The following DCAF8L2 variants were observed in gnomAD, a reference collection of about 807,000 sequenced individuals.
DCAF8L2 encodes DDB1- and CUL4-associated factor 8-like protein 2.
For missense variants in DCAF8L2, 430 were observed against 490.7 expected (o/e 0.88, Z 1.17); for synonymous variants, 200 against 190.9 (o/e 1.05, Z -0.39).
intron 3 of DCAF8L2, among the ~76,000 whole-genome samples, chrX:27,711,810 A>G (rs972661050): frequency 1.5e-4 from 17 of 110,690 alleles, no homozygotes; most frequent in African/African-American, 5.6e-4. Context: ...GATTTCAACA[A>G]AGAAGCCACC....
the DCAF8L2 span, among the ~76,000 whole-genome samples, chrX:27,542,812 C>T: frequency 9.0e-6 from 1 of 110,665 alleles, no homozygotes; most frequent in African/African-American, 3.3e-5. Context: ...AAAGTCTTTG[C>T]CTACTTTTTA....
chrX:27,585,101 A>G, the DCAF8L2 span, among the ~76,000 whole-genome samples: 1 of 110,567 alleles, frequency 9.0e-6, no homozygotes, highest in Non-Finnish European at 1.9e-5. Flanking sequence ...ATAGAAGAGC[A>G]TTTGGCAAAC....
chrX:27,680,504 T>C (rs1438345494), intron 3 of DCAF8L2, among the ~76,000 whole-genome samples: 1 of 111,941 alleles, frequency 8.9e-6, no homozygotes, highest in Non-Finnish European at 1.9e-5. Flanking sequence ...TTAAAAAATA[T>C]CTTAAGTACT....
chrX:27,635,786 C>T (rs866463556), intron 2 of DCAF8L2, among the ~76,000 whole-genome samples: 1 of 90,421 alleles, frequency 1.1e-5, no homozygotes, highest in African/African-American at 4.3e-5. Context: ...TTTCCTTTTA[C>T]GTGTGTGTGT....
intron 1 of DCAF8L2, among the ~76,000 whole-genome samples, chrX:27,594,074 A>C: frequency 8.9e-6 from 1 of 112,127 alleles, no homozygotes; most frequent in African/African-American, 3.2e-5. Flanking sequence ...GAAGGGAAGT[A>C]GAAAGAAAAG....
chrX:27,716,157 T>C lies in DCAF8L2; in HGVS notation c.-73T>C, dbSNP rs922686905. ...GTGGAATCAGTGGGGAAATCTCTAA[T>C]TGCTACTGACACAGGTGAGTGGCAT... On this transcript the variant is annotated 5_prime_UTR_variant, in exon 4 of 5. Transcript: ENST00000451261. 1 of 111,966 alleles carries C rather than the reference T, an allele frequency of 8.9e-6. No homozygotes were observed. Among genetic ancestry groups the C allele is most frequent in the African/African-American group, 3.2e-5 (1 of 30,796 alleles). The allele number at this position is 111,966 out of a possible 1,213,427, so 9.2% of individuals were successfully genotyped here. A position where few individuals can be genotyped will look rare whatever the true frequency, so the allele number is the denominator to read the frequency against.
intron 1 of DCAF8L2, among the ~76,000 whole-genome samples, chrX:27,591,684 T>G (rs1311761930): frequency 2.7e-5 from 3 of 111,991 alleles, no homozygotes; most frequent in Non-Finnish European, 3.8e-5. Context: ...ACATTATATT[T>G]CTCTGCATAC....
chrX:27,482,299 A>T, the DCAF8L2 span, among the ~76,000 whole-genome samples: 1 of 111,706 alleles, frequency 9.0e-6, no homozygotes, highest in African/African-American at 3.2e-5. Flanking sequence ...AGAAGAGAAC[A>T]TCAAATTTTT....
At chrX:27,663,829 C>G (rs1929642165) in intron 2 of DCAF8L2, among the ~76,000 whole-genome samples, 1 of 106,748 alleles carries the variant, frequency 9.4e-6, no homozygotes, top group Non-Finnish European at 1.9e-5. Context: ...TCCCGAGTAG[C>G]TGTCACTACA....
chrX:27,711,257 T>C (rs1254227394), intron 3 of DCAF8L2, among the ~76,000 whole-genome samples: 1 of 110,333 alleles, frequency 9.1e-6, no homozygotes, highest in Non-Finnish European at 1.9e-5. Flanking sequence ...GACCATGCAA[T>C]ATTTTTCTTT....
chrX:27,644,110 T>C (rs184118457), intron 2 of DCAF8L2, among the ~76,000 whole-genome samples: 42 of 111,856 alleles, frequency 3.8e-4, no homozygotes, highest in African/African-American at 1.3e-3. Context: ...GTCTAAAATA[T>C]CACCTGCCAC....
the DCAF8L2 span, among the ~76,000 whole-genome samples, chrX:27,525,229 A>C: frequency 8.9e-6 from 1 of 111,789 alleles, no homozygotes; most frequent in African/African-American, 3.3e-5. Context: ...TTGGGTGCAT[A>C]TATATTTAGG....
At chrX:27,592,417 G>GTTTTTTTTTTTTTTTGGTTTTTT (rs1248208449) in intron 1 of DCAF8L2, among the ~76,000 whole-genome samples, 1 of 83,954 alleles carries the variant, frequency 1.2e-5, no homozygotes, top group Non-Finnish European at 2.2e-5. Flanking sequence ...GTTTGTTTTT[G>GTTTTTTTTTTTTTTTGGTTTTTT]TTTTTTTTTT....
At chrX:27,725,461 G>T (rs1481146091) in intron 4 of DCAF8L2, among the ~76,000 whole-genome samples, 7 of 110,439 alleles carry the variant, frequency 6.3e-5, no homozygotes, top group Non-Finnish European at 1.3e-4. Flanking sequence ...GCCCCAAAAA[G>T]ATTTATTTGT....
intron 1 of DCAF8L2, among the ~76,000 whole-genome samples, chrX:27,603,215 C>T (rs939294334): frequency 4.5e-5 from 5 of 111,160 alleles, no homozygotes; most frequent in Non-Finnish European, 5.7e-5. Flanking sequence ...TTTTTATTAC[C>T]GTACATGTAT....
the DCAF8L2 span, among the ~76,000 whole-genome samples, chrX:27,565,737 C>T: frequency 9.0e-6 from 1 of 110,955 alleles, no homozygotes; most frequent in Non-Finnish European, 1.9e-5. Flanking sequence ...GTGTGGACAC[C>T]AAGGGTGAGT....
At chrX:27,634,926 T>C (rs895536588) in intron 2 of DCAF8L2, among the ~76,000 whole-genome samples, 2 of 106,997 alleles carry the variant, frequency 1.9e-5, no homozygotes, top group African/African-American at 6.9e-5. Context: ...GTCTCAAGCA[T>C]TTCAGATAAG....
At chrX:27,495,229 G>A in the DCAF8L2 span, among the ~76,000 whole-genome samples, 1 of 111,838 alleles carries the variant, frequency 8.9e-6, no homozygotes, top group African/African-American at 3.2e-5. Flanking sequence ...ATGAATAGAT[G>A]TATTTATGCA....
the DCAF8L2 span, among the ~76,000 whole-genome samples, chrX:27,583,251 T>A: frequency 8.9e-6 from 1 of 111,820 alleles, no homozygotes; most frequent in South Asian, 3.7e-4. Context: ...AGGATCTTTT[T>A]AAAGGTTGGC....
Sources: allele counts gnomAD v4.1 joint callset (sites outside exome capture counted in the v4.1 genomes callset), GRCh38; gene constraint gnomAD v4.1.1; transcripts MANE v1.5; gene names NCBI Gene and HGNC (gene_info 2026-07-23, HGNC 2026-07-21).